CAMK2D: variants seen among roughly 807,000 people sequenced by gnomAD.
CAMK2D encodes the protein calcium/calmodulin-dependent protein kinase type II subunit delta.
In CAMK2D, 37 loss-of-function variants were observed where a neutral mutation model predicts 84.0. The observed-to-expected ratio is 0.44, with a 90% CI of 0.34 to 0.58. The LOEUF (loss-of-function observed/expected upper bound fraction) is 0.58. CAMK2D is among the 20% of genes least tolerant of loss of function. The pLI, the probability that CAMK2D is intolerant of heterozygous loss-of-function variation, is 0.02. For synonymous variants in CAMK2D, 202 were observed against 212.5 expected, an observed-to-expected ratio of 0.95 and a Z score of 0.43; for missense variants, 448 against 652.5, an observed-to-expected ratio of 0.69 and a Z score of 3.41.
At chr4:113,636,792 A>G (rs527791922) in intron 3 of CAMK2D, among the ~76,000 whole-genome samples, 2 of 152,258 alleles carry the variant, frequency 1.3e-5, no homozygotes, top group South Asian at 2.1e-4. Flanking sequence ...AAAGGGCCCT[A>G]TCTCTAAATA....
At chr4:113,576,664 A>G (rs1258940791) in intron 4 of CAMK2D, among the ~76,000 whole-genome samples, 1 of 152,150 alleles carries the variant, frequency 6.6e-6, no homozygotes, top group Non-Finnish European at 1.5e-5. Context: ...AACAAAGTGA[A>G]CCTTAAAAAT....
At chr4:113,540,250 G>A (rs1194121248) in intron 6 of CAMK2D, among the ~76,000 whole-genome samples, 1 of 152,156 alleles carries the variant, frequency 6.6e-6, no homozygotes, top group Non-Finnish European at 1.5e-5. Context: ...AATGCCTACA[G>A]AAAGGAAGAT....
chr4:113,582,515 T>C lies in CAMK2D; in HGVS notation c.275+26637A>G, dbSNP rs145612040. Among the ~76,000 whole-genome samples, 1,061 of 152,310 alleles carry C rather than the reference T, an allele frequency of 7.0e-3. 7 individuals are homozygous for C. Among genetic ancestry groups the C allele is most frequent in the African/African-American group, 0.025 (1,020 of 41,572 alleles). ...ATCATTAACTCATATCTAAAAATTC[T>C]GAAAAATGTACACCTTAAGTATCCC... On this transcript the variant is annotated intron_variant, in intron 4 of 20. Coordinates refer to ENST00000511664, the MANE Select transcript of CAMK2D (RefSeq NM_001321571.2).
intron 16 of CAMK2D, among the ~76,000 whole-genome samples, chr4:113,481,636 C>T (rs1042204240): frequency 1.3e-5 from 2 of 152,094 alleles, no homozygotes; most frequent in African/African-American, 4.8e-5. Flanking sequence ...TGCACCACCA[C>T]ACCTGGCTAA....
intron 4 of CAMK2D, among the ~76,000 whole-genome samples, chr4:113,587,914 TGA>T (rs2098841390): frequency 6.6e-6 from 1 of 152,114 alleles, no homozygotes; most frequent in Non-Finnish European, 1.5e-5. Flanking sequence ...AATATGATGA[TGA>T]TGTCATCCAG....
rs556744730 is a variant in CAMK2D at position 113,504,979 on chromosome 4, C to T, written c.1041G>A (p.Ala347=). 57 of 1,563,526 alleles carry T rather than the reference C, an allele frequency of 3.6e-5. No homozygotes were observed. Among genetic ancestry groups the T allele is most frequent in the Admixed American group, 2.7e-4 (15 of 55,922 alleles). The change falls in exon 14 of 21, where the codon GCG becomes GCA. Residue 347 remains alanine (A), a synonymous_variant. Transcript: ENST00000511664. ...TSPKENIPTP[A]LEPQTTVIHN... is the part of the protein sequence containing the mutation. ...GTTACAAAGAGTCCAGGTATACCAG[C>T]GCTGGGGTAGGAATATTTTCTTTGG... is the stretch of plus-strand genomic sequence containing the variant.
At chr4:113,610,029 C>CTT (rs1011862010) in intron 3 of CAMK2D, among the ~76,000 whole-genome samples, 1 of 145,710 alleles carries the variant, frequency 6.9e-6, no homozygotes. Context: ...AGAGTGAATT[C>CTT]TTTTTTTTTT....
intron 3 of CAMK2D, among the ~76,000 whole-genome samples, chr4:113,619,331 C>T (rs1462100871): frequency 6.6e-6 from 1 of 152,084 alleles, no homozygotes; most frequent in African/African-American, 2.4e-5. Context: ...TCTACCCTGC[C>T]CTCTCACTGT....
At chr4:113,757,837 T>A (rs2149146277) in intron 2 of CAMK2D, among the ~76,000 whole-genome samples, 1 of 152,188 alleles carries the variant, frequency 6.6e-6, no homozygotes, top group South Asian at 2.1e-4. Flanking sequence ...ATAAGTACAT[T>A]TGTTATTCTG....
chr4:113,666,373 T>G (rs1281493262), intron 2 of CAMK2D, among the ~76,000 whole-genome samples: 1 of 152,198 alleles, frequency 6.6e-6, no homozygotes, highest in Admixed American at 6.5e-5. Flanking sequence ...GAATTTCATC[T>G]TTCTTGACAC....
intron 5 of CAMK2D, chr4:113,548,842 T>C (rs947125528): frequency 5.3e-6 from 3 of 570,716 alleles, no homozygotes; most frequent in Non-Finnish European, 6.2e-6. Flanking sequence ...ACAAAAATTA[T>C]ATTTCTTCAC....
chr4:113,615,581 A>G (rs1290587223), intron 3 of CAMK2D, among the ~76,000 whole-genome samples: 1 of 152,136 alleles, frequency 6.6e-6, no homozygotes, highest in Non-Finnish European at 1.5e-5. Context: ...TTCCTATAAC[A>G]CAAGTAATAC....
intron 2 of CAMK2D, among the ~76,000 whole-genome samples, chr4:113,671,464 A>C (rs1242412059): frequency 6.6e-6 from 1 of 152,234 alleles, no homozygotes; most frequent in Non-Finnish European, 1.5e-5. Flanking sequence ...TAAAAGTTGC[A>C]AAACATGATA....
At chr4:113,755,006 T>G (rs41279315) in intron 2 of CAMK2D, 132,179 of 982,536 alleles carry the variant, frequency 0.13, 9,393 homozygotes, top group East Asian at 0.32. Flanking sequence ...AATCAGAACT[T>G]AATCCATCTA....
chr4:113,537,228 A>T, intron 7 of CAMK2D, 113 bp downstream of exon 7: 1 of 577,962 alleles, frequency 1.7e-6, no homozygotes, highest in East Asian at 3.0e-5. Context: ...AAATTAGTCA[A>T]ATTGTTATTA....
chr4:113,573,026 A>T (rs1279643907), intron 4 of CAMK2D, among the ~76,000 whole-genome samples: 1 of 152,176 alleles, frequency 6.6e-6, no homozygotes, highest in East Asian at 1.9e-4. Flanking sequence ...GAAACAACAG[A>T]TACTGGGGTC....
At chr4:113,490,768 C>T (rs1294208638) in intron 16 of CAMK2D, among the ~76,000 whole-genome samples, 6 of 141,644 alleles carry the variant, frequency 4.2e-5, no homozygotes, top group African/African-American at 1.6e-4. Context: ...TTCTTCCTAC[C>T]CATGAGCATG....
intron 2 of CAMK2D, chr4:113,754,471 A>C (rs2099623927): frequency 1.1e-6 from 1 of 928,738 alleles, no homozygotes; most frequent in Non-Finnish European, 1.3e-6. Context: ...CATATTGCTA[A>C]ATTTTAATTT....
intron 3 of CAMK2D, among the ~76,000 whole-genome samples, chr4:113,654,380 T>C (rs1420665927): frequency 1.3e-5 from 2 of 152,076 alleles, no homozygotes; most frequent in Non-Finnish European, 2.9e-5. Context: ...TGTACTGTTA[T>C]ATATGTGAAA....
Sources: gnomAD v4.1 joint callset for allele counts (sites outside exome capture counted in the v4.1 genomes callset) on GRCh38, gnomAD v4.1.1 for gene constraint, MANE v1.5 for transcripts, NCBI Gene and HGNC (gene_info 2026-07-23, HGNC 2026-07-21) for gene names.